Variants in SPOCK3 observed in about 807,000 individuals in gnomAD.
SPOCK3 encodes the protein SPARC (osteonectin), cwcv and kazal like domains proteoglycan 3, also known as testican-3.
In SPOCK3, 30 loss-of-function variants were observed where a neutral mutation model predicts 56.6. The observed-to-expected ratio is 0.53, with a 90% CI of 0.40 to 0.72. SPOCK3 has a LOEUF of 0.72. Among genes scored for constraint, SPOCK3 ranks in the 30% least tolerant of loss-of-function variants. The pLI, the probability that SPOCK3 is intolerant of heterozygous loss-of-function variation, is 0.00. For synonymous variants in SPOCK3, 196 were observed against 183.3 expected (o/e 1.07, Z -0.56); for missense variants, 527 against 530.0 (o/e 0.99, Z 0.06).
intron 4 of SPOCK3, among the ~76,000 whole-genome samples, chr4:166,923,161 T>C (rs1738691448): frequency 6.6e-6 from 1 of 152,214 alleles, no homozygotes; most frequent in South Asian, 2.1e-4. Context: ...TCTTGGCTTA[T>C]GGCTACAACT....
At chr4:166,749,623 A>C (rs1736110615) in intron 8 of SPOCK3, among the ~76,000 whole-genome samples, 1 of 152,084 alleles carries the variant, frequency 6.6e-6, no homozygotes, top group African/African-American at 2.4e-5. Context: ...GTACCCTAGA[A>C]CTTAAAGTAT....
At chr4:167,164,380 T>A (rs1765578599) in intron 2 of SPOCK3, among the ~76,000 whole-genome samples, 1 of 152,098 alleles carries the variant, frequency 6.6e-6, no homozygotes, top group Non-Finnish European at 1.5e-5. Context: ...TAAACATGAA[T>A]TCAAAAAAAT....
rs574539438 is a variant in SPOCK3 at position 167,040,233 on chromosome 4, T to A, written c.235+22259A>T. Among the ~76,000 whole-genome samples the A allele has an allele frequency of 2.3e-3, 350 of 152,302 alleles. 5 individuals are homozygous for A. Among genetic ancestry groups the A allele is most frequent in the African/African-American group, 6.0e-3 (251 of 41,582 alleles). The stretch of plus-strand genomic sequence containing the variant: ...CTGCAGTAAGGCAATAGCTAGCTCA[T>A]CTTTAATATGATGGTGAAAAGTAGC... On this transcript the variant is annotated intron_variant, in intron 3 of 10. Transcript: ENST00000357545.
chr4:167,029,380 A>C (rs1400267201), intron 3 of SPOCK3, among the ~76,000 whole-genome samples: 2 of 151,918 alleles, frequency 1.3e-5, no homozygotes, highest in African/African-American at 4.8e-5. Context: ...AATCTTACTA[A>C]ATGTACCATT....
chr4:166,799,049 T>C (rs191700129), intron 6 of SPOCK3, among the ~76,000 whole-genome samples: 1 of 152,270 alleles, frequency 6.6e-6, no homozygotes, highest in Non-Finnish European at 1.5e-5. Flanking sequence ...ACAGTCTTGT[T>C]TGGGGGCAAT....
At chr4:167,056,199 G>C (rs1754835263) in intron 3 of SPOCK3, among the ~76,000 whole-genome samples, 1 of 152,200 alleles carries the variant, frequency 6.6e-6, no homozygotes, top group Non-Finnish European at 1.5e-5. Context: ...AACGGGGTCT[G>C]GAGTGGACCT....
At chr4:167,179,557 C>G (rs1477207714) in intron 2 of SPOCK3, among the ~76,000 whole-genome samples, 1 of 151,984 alleles carries the variant, frequency 6.6e-6, no homozygotes, top group Non-Finnish European at 1.5e-5. Flanking sequence ...GTTCTATTTT[C>G]TTTATCTAAT....
At chr4:166,842,531 G>A (rs1247623078) in intron 6 of SPOCK3, among the ~76,000 whole-genome samples, 1 of 152,088 alleles carries the variant, frequency 6.6e-6, no homozygotes, top group Non-Finnish European at 1.5e-5. Flanking sequence ...CTAGACACAA[G>A]GTGCTGATTG....
At chr4:167,194,451 T>C (rs1292312625) in intron 2 of SPOCK3, among the ~76,000 whole-genome samples, 1 of 152,162 alleles carries the variant, frequency 6.6e-6, no homozygotes, top group East Asian at 1.9e-4. Flanking sequence ...AGAGCTTTAT[T>C]AGTTTACTTG....
chr4:166,948,912 C>T (rs1280322955), intron 4 of SPOCK3, among the ~76,000 whole-genome samples: 3 of 152,102 alleles, frequency 2.0e-5, no homozygotes, highest in Non-Finnish European at 4.4e-5. Flanking sequence ...TGGGGAAGTT[C>T]TCCTGGATAA....
chr4:166,811,609 A>G (rs1743811783), intron 6 of SPOCK3, among the ~76,000 whole-genome samples: 1 of 151,904 alleles, frequency 6.6e-6, no homozygotes, highest in Admixed American at 6.6e-5. Flanking sequence ...TTACTTGTAC[A>G]GAATGCTCCT....
At chr4:166,750,296 A>G (rs2126465866) in intron 8 of SPOCK3, among the ~76,000 whole-genome samples, 1 of 152,272 alleles carries the variant, frequency 6.6e-6, no homozygotes, top group Middle Eastern at 3.4e-3. Context: ...ATAGTAACCT[A>G]ACTAATTGCA....
At chr4:167,039,807 TG>T (rs1753094292) in intron 3 of SPOCK3, among the ~76,000 whole-genome samples, 1 of 152,188 alleles carries the variant, frequency 6.6e-6, no homozygotes, top group South Asian at 2.1e-4. Flanking sequence ...ATTTTAAAAA[TG>T]TATGAATGTT....
Position 167,234,330 on chromosome 4 carries a change from T to C in SPOCK3, c.-1+120A>G. On this transcript the variant is annotated intron_variant, in intron 1 of 10. Coordinates refer to ENST00000357545, the MANE Select transcript of SPOCK3 (RefSeq NM_001040159.2). Reference sequence around the variant, plus strand: ...AAGCGTGTCCCCTCCCCGCAGGCTTTACCCCCAAAAGCCGGGCACTCACAC... The same window carrying C: ...AAGCGTGTCCCCTCCCCGCAGGCTTCACCCCCAAAAGCCGGGCACTCACAC... 19 of 716,720 alleles carry C rather than the reference T, an allele frequency of 2.7e-5. 1 individual carries two copies. In the South Asian group the frequency reaches 3.4e-4, roughly 13 times the overall value. 44.4% of individuals were successfully genotyped at this position (716,720 alleles called of 1,614,324 possible).
chr4:166,980,986 G>T (rs1746509023), intron 4 of SPOCK3, among the ~76,000 whole-genome samples: 1 of 152,204 alleles, frequency 6.6e-6, no homozygotes, highest in African/African-American at 2.4e-5. Context: ...CAGGTCCCAA[G>T]TTCTTGCCGC....
chr4:166,813,518 A>G (rs17598332), intron 6 of SPOCK3, among the ~76,000 whole-genome samples: 20,014 of 152,026 alleles, frequency 0.13, 1,318 homozygotes, highest in Middle Eastern at 0.17. Flanking sequence ...GTGAGGAATT[A>G]TTATCAGAAA....
intron 6 of SPOCK3, among the ~76,000 whole-genome samples, chr4:166,885,591 C>T (rs1259680782): frequency 1.3e-5 from 2 of 152,048 alleles, no homozygotes; most frequent in Non-Finnish European, 2.9e-5. Context: ...TTTTCTACTT[C>T]CTCCTTTTTT....
intron 2 of SPOCK3, among the ~76,000 whole-genome samples, chr4:167,208,032 C>T (rs1580630112): frequency 3.3e-5 from 5 of 152,096 alleles, no homozygotes. Context: ...TTACTCAGGG[C>T]TCCATCTGAT....
intron 4 of SPOCK3, among the ~76,000 whole-genome samples, chr4:166,992,827 C>A (rs1747949039): frequency 6.6e-6 from 1 of 151,968 alleles, no homozygotes; most frequent in Non-Finnish European, 1.5e-5. Context: ...TTTTTCCCCC[C>A]AATTCATACT....
Sources: gnomAD v4.1 joint callset for allele counts (sites outside exome capture counted in the v4.1 genomes callset) on GRCh38, gnomAD v4.1.1 for gene constraint, MANE v1.5 for transcripts, NCBI Gene and HGNC (gene_info 2026-07-23, HGNC 2026-07-21) for gene names.